OCLN: variants seen among roughly 807,000 people sequenced by gnomAD.
OCLN encodes occludin.
In OCLN, 21 loss-of-function variants were observed where a neutral mutation model predicts 47.9. The observed-to-expected ratio is 0.44, with a 90% CI of 0.31 to 0.63. OCLN has a LOEUF of 0.63. Ranked by LOEUF, OCLN falls within the 30% of genes least tolerant of loss-of-function variation. OCLN has a pLI of 0.08. For missense variants in OCLN, 360 were observed against 571.0 expected (o/e 0.63, Z 3.77); for synonymous variants, 117 against 198.4 (o/e 0.59, Z 3.45).
intron 3 of OCLN, among the ~76,000 whole-genome samples, chr5:69,511,564 A>G (rs2111982598): frequency 6.6e-6 from 1 of 152,062 alleles, no homozygotes; most frequent in East Asian, 1.9e-4. Flanking sequence ...GGGGCATGCC[A>G]CCACACCCGG....
chr5:69,497,989 G>A (rs1022260163), intron 1 of OCLN, among the ~76,000 whole-genome samples: 5 of 151,830 alleles, frequency 3.3e-5, no homozygotes, highest in Non-Finnish European at 4.4e-5. Context: ...AAAATTAGCC[G>A]GGCGTAGTGG....
At chr5:69,513,604 G>A (rs534892467) in intron 3 of OCLN, among the ~76,000 whole-genome samples, 32 of 152,220 alleles carry the variant, frequency 2.1e-4, no homozygotes, top group African/African-American at 6.5e-4. Context: ...GGCCATTCTC[G>A]TAGGTGCACA....
intron 4 of OCLN, among the ~76,000 whole-genome samples, chr5:69,516,187 T>C (rs1002157325): frequency 6.6e-6 from 1 of 152,004 alleles, no homozygotes; most frequent in African/African-American, 2.4e-5. Context: ...ATCACGCCAC[T>C]GCACTCCAGC....
At chr5:69,498,131 CAAAA>C (rs200853908) in intron 1 of OCLN, among the ~76,000 whole-genome samples, 1 of 145,704 alleles carries the variant, frequency 6.9e-6, no homozygotes, top group Non-Finnish European at 1.5e-5. Flanking sequence ...GACTCCGTCT[CAAAA>C]AAAAAAAAGA....
chr5:69,492,970 A>G lies in OCLN; in HGVS notation c.-69+70A>G, dbSNP rs544278248. 1.2e-3 allele frequency: 178 copies of G among 151,712 alleles called. 1 individual carries two copies. The highest frequency in any genetic ancestry group is 2.0e-3 in the Non-Finnish European group (134 of 68,036). The allele number at this position is 151,712 out of a possible 1,614,324, so 9.4% of individuals were successfully genotyped here. A position where few individuals can be genotyped will look rare whatever the true frequency, so the allele number is the denominator to read the frequency against. On this transcript the variant is annotated intron_variant, in intron 1 of 8. Transcript: ENST00000396442. ...TCCCCGTGGGGGGACCGCGGCGACTATGTTAGGGGAGGTGCCGGGGGGAGG... is the reference window on the plus strand; with the variant it reads ...TCCCCGTGGGGGGACCGCGGCGACTGTGTTAGGGGAGGTGCCGGGGGGAGG...
At chr5:69,532,646 G>T (rs896777005) in intron 4 of OCLN, among the ~76,000 whole-genome samples, 2 of 152,090 alleles carry the variant, frequency 1.3e-5, no homozygotes, top group African/African-American at 4.8e-5. Flanking sequence ...AAAATGTCAA[G>T]AGTGTTGGAG....
chr5:69,509,023 T>C, intron 2 of OCLN, 118 bp from the exon 3 acceptor site: 1 of 886,110 alleles, frequency 1.1e-6, no homozygotes, highest in Non-Finnish European at 1.8e-6. Context: ...GTGATTCCTG[T>C]GCACAGATAA....
Position 69,509,273 on chromosome 5 carries a change from T to C in OCLN, c.183T>C (p.Pro61=), listed in dbSNP as rs1388805331. 6.2e-7 allele frequency: 1 copy of C among 1,614,100 alleles called. No individual in the cohort carries two copies. The highest frequency in any genetic ancestry group is 1.7e-5 in the Admixed American group (1 of 59,994). Residue 61 remains proline (P), a synonymous_variant, in exon 3 of 9, where the codon CCT becomes CCC. Transcript: ENST00000396442. Reference sequence around the variant, plus strand: ...TTCACTTCTACAAATGGACCTCTCCTCCAGGAGTGATTCGGATCCTGTCTA... The same window carrying C: ...TTCACTTCTACAAATGGACCTCTCCCCCAGGAGTGATTCGGATCCTGTCTA... The part of the protein sequence containing the change: ...EILHFYKWTS[P]PGVIRILSML...
rs770481920 is a variant in OCLN at position 69,509,325 on chromosome 5, A to G, written c.235A>G (p.Ile79Val). ...SMLIIVMCIA[I>V]FACVASTLAW... ...GCTCATTATTGTGATGTGCATTGCCATCTTTGCCTGTGTGGCCTCCACGCT... is the reference window on the plus strand; with the variant it reads ...GCTCATTATTGTGATGTGCATTGCCGTCTTTGCCTGTGTGGCCTCCACGCT... The change falls in exon 3 of 9, where the codon ATC becomes GTC. Residue 79 changes from isoleucine (I) to valine (V), a missense_variant. Physicochemically the swap from Ile to Val is conservative, Grantham distance 29. Around this residue, in one of 3 missense-constraint regions of OCLN, gnomAD observed 314 missense variants for 368.1 expected, o/e 0.85. Coordinates refer to ENST00000396442, the MANE Select transcript of OCLN (RefSeq NM_001205254.2). 5 of 1,614,086 alleles carry G rather than the reference A, an allele frequency of 3.1e-6. No homozygotes were observed. In the East Asian group the frequency reaches 8.9e-5, roughly 29 times the overall value.
At chr5:69,548,489 ATT>A (rs1234114902) in intron 7 of OCLN, among the ~76,000 whole-genome samples, 1 of 142,612 alleles carries the variant, frequency 7.0e-6, no homozygotes, top group Non-Finnish European at 1.5e-5. Flanking sequence ...AATTTTTTGT[ATT>A]TTTTTTTTTT....
chr5:69,531,846 A>G (rs1049433168), intron 4 of OCLN, among the ~76,000 whole-genome samples: 1 of 152,240 alleles, frequency 6.6e-6, no homozygotes, highest in Non-Finnish European at 1.5e-5. Context: ...TTTTAATGTA[A>G]TGCTACTAAG....
chr5:69,503,254 A>G (rs527613123), intron 1 of OCLN, among the ~76,000 whole-genome samples: 32 of 152,118 alleles, frequency 2.1e-4, no homozygotes, highest in African/African-American at 7.7e-4. Flanking sequence ...TTGTCTTTCA[A>G]ATCTGGTTCA....
chr5:69,517,976 G>C (rs927472546), intron 4 of OCLN, among the ~76,000 whole-genome samples: 2 of 152,084 alleles, frequency 1.3e-5, no homozygotes, highest in Admixed American at 6.6e-5. Context: ...TTTACTTAAG[G>C]TTTCAAGAGG....
chr5:69,524,271 G>A (rs1344466367), intron 4 of OCLN, among the ~76,000 whole-genome samples: 1 of 152,190 alleles, frequency 6.6e-6, no homozygotes. Context: ...ATGAACACCT[G>A]CAGATCTACC....
intron 1 of OCLN, among the ~76,000 whole-genome samples, chr5:69,494,280 C>A (rs1768229969): frequency 6.6e-6 from 1 of 152,234 alleles, no homozygotes; most frequent in South Asian, 2.1e-4. Flanking sequence ...CTCTGCCTCC[C>A]GGGTTCAAGC....
chr5:69,508,541 A>G (rs936908172), intron 2 of OCLN, among the ~76,000 whole-genome samples: 1 of 152,098 alleles, frequency 6.6e-6, no homozygotes, highest in Non-Finnish European at 1.5e-5. Context: ...GGGTTTCACC[A>G]TGTTGGCCAG....
intron 4 of OCLN, among the ~76,000 whole-genome samples, chr5:69,515,575 C>T (rs1446710155): frequency 5.7e-4 from 79 of 139,092 alleles, no homozygotes; most frequent in Admixed American, 1.2e-3. Flanking sequence ...GGCGGCTGGC[C>T]GGGCGGGGGG....
intron 4 of OCLN, among the ~76,000 whole-genome samples, chr5:69,531,302 A>G (rs1769426364): frequency 6.6e-6 from 1 of 152,142 alleles, no homozygotes; most frequent in Admixed American, 6.6e-5. Flanking sequence ...GGCTTGTATG[A>G]GGAGGAGGTG....
chr5:69,508,044 T>C (rs1768655856), intron 2 of OCLN, among the ~76,000 whole-genome samples: 1 of 152,158 alleles, frequency 6.6e-6, no homozygotes, highest in Non-Finnish European at 1.5e-5. Flanking sequence ...TTGAAATCCA[T>C]TGTGCATTTT....
Sources: gnomAD v4.1 joint callset for allele counts (sites outside exome capture counted in the v4.1 genomes callset) on GRCh38, gnomAD v4.1.1 for gene constraint, gnomAD v4.1.1 regional missense constraint, MANE v1.5 for transcripts, NCBI Gene and HGNC (gene_info 2026-07-23, HGNC 2026-07-21) for gene names.